SLC3A1: variants seen among roughly 807,000 people sequenced by gnomAD.
SLC3A1 encodes solute carrier family 3 member 1, also known as amino acid transporter heavy chain SLC3A1.
SLC3A1 carries 78 observed loss-of-function variants against 60.3 expected under a neutral mutation model. The observed-to-expected ratio is 1.29, with a 90% CI of 1.08 to 1.56. SLC3A1 has a LOEUF of 1.56. Ranked by LOEUF, SLC3A1 falls within the 40% of genes most tolerant of loss-of-function variation. SLC3A1 has a pLI of 0.00. For synonymous variants in SLC3A1, 392 were observed against 307.9 expected (o/e 1.27, Z -2.86); for missense variants, 1,172 against 858.9 (o/e 1.36, Z -4.56).
At chr2:44,285,705 G>A (rs1558455450) in intron 3 of SLC3A1, 1 of 519,092 alleles carries the variant, frequency 1.9e-6, no homozygotes, top group South Asian at 1.5e-5. Flanking sequence ...ACAAGAGTTT[G>A]GATCCTGGAC....
chr2:44,321,187 G>C lies in SLC3A1; in HGVS notation c.*548G>C, dbSNP rs1037318150. On this transcript the variant is annotated 3_prime_UTR_variant, in exon 10 of 10. Coordinates refer to ENST00000260649, the MANE Select transcript of SLC3A1 (RefSeq NM_000341.4). ...GGCATGTGCATCAATGGAGAGAATA[G>C]TATAAGCAAGTGAGATGTAGACTAA... is the stretch of plus-strand genomic sequence containing the variant. 4 of 621,658 alleles carry C rather than the reference G, an allele frequency of 6.4e-6. No individual in the cohort carries two copies. The African/African-American group carries it at 7.4e-5, about 12-fold the overall frequency. 38.5% of individuals were successfully genotyped at this position (621,658 alleles called of 1,614,324 possible). A position where few individuals can be genotyped will look rare whatever the true frequency, so the allele number is the denominator to read the frequency against.
intron 5 of SLC3A1, 28 bp from the exon 6 acceptor site, chr2:44,300,975 G>A: frequency 3.1e-6 from 5 of 1,612,982 alleles, no homozygotes; most frequent in African/African-American, 1.3e-5. Flanking sequence ...ATGAAATGAG[G>A]GTAACCATGT....
At chr2:44,287,836 G>A (rs1000878524) in intron 4 of SLC3A1, among the ~76,000 whole-genome samples, 2 of 152,124 alleles carry the variant, frequency 1.3e-5, no homozygotes, top group African/African-American at 4.8e-5. Flanking sequence ...AGCTCACCAC[G>A]TCAGCCAGAT....
intron 6 of SLC3A1, among the ~76,000 whole-genome samples, chr2:44,302,566 A>G (rs77542071): frequency 0.02 from 3,029 of 152,332 alleles, 121 homozygotes; most frequent in African/African-American, 0.07. Flanking sequence ...GTTGGGCTCC[A>G]GAGACCATGC....
In SLC3A1 at chr2:44,320,235, T is replaced by A; in HGVS notation, c.1654T>A (p.Tyr552Asn). ...KTQPRSALKL[Y>N]QDLSLLHANE... is the part of the protein sequence containing the mutation. ...TCAGCCCAGATCGGCTTTGAAGTTA[T>A]ATCAAGATTTAAGTCTACTTCATGC... The change falls in exon 10 of 10, where the codon TAT becomes AAT. Residue 552 changes from tyrosine to asparagine, a missense_variant. Transcript: ENST00000260649. 6.2e-7 allele frequency: 1 copy of A among 1,614,048 alleles called. No homozygotes were observed. The highest frequency in any genetic ancestry group is 8.5e-7 in the Non-Finnish European group (1 of 1,179,946).
At chr2:44,290,043 A>G (rs1671707062) in intron 4 of SLC3A1, among the ~76,000 whole-genome samples, 1 of 151,164 alleles carries the variant, frequency 6.6e-6, no homozygotes, top group African/African-American at 2.4e-5. Flanking sequence ...TCAGTTTCAC[A>G]GTTTTAGTCT....
chr2:44,283,498 G>C (rs1279712627), intron 3 of SLC3A1, among the ~76,000 whole-genome samples: 1 of 152,200 alleles, frequency 6.6e-6, no homozygotes. Context: ...CTGTTTTGCA[G>C]ATAGGCAGAC....
intron 4 of SLC3A1, among the ~76,000 whole-genome samples, chr2:44,291,460 G>A (rs1388501631): frequency 6.6e-6 from 1 of 152,136 alleles, no homozygotes; most frequent in Non-Finnish European, 1.5e-5. Context: ...TGGTCTTCTG[G>A]CTGAAATCCC....
intron 7 of SLC3A1, among the ~76,000 whole-genome samples, chr2:44,307,278 C>G (rs6716849): frequency 1.3e-5 from 2 of 152,108 alleles, no homozygotes; most frequent in Non-Finnish European, 2.9e-5. Context: ...TGGACTATTA[C>G]GAATAGTGAT....
At chr2:44,294,969 C>A (rs778526308) in intron 4 of SLC3A1, among the ~76,000 whole-genome samples, 1 of 152,168 alleles carries the variant, frequency 6.6e-6, no homozygotes, top group South Asian at 2.1e-4. Context: ...GTCTTGAACT[C>A]CTGAGCTTAA....
intron 4 of SLC3A1, among the ~76,000 whole-genome samples, chr2:44,297,254 G>A (rs1008306571): frequency 5.9e-5 from 9 of 152,204 alleles, no homozygotes; most frequent in African/African-American, 2.2e-4. Context: ...CCTTTGCAGA[G>A]CTTGTGAGCA....
intron 7 of SLC3A1, among the ~76,000 whole-genome samples, chr2:44,308,048 G>C (rs1344890577): frequency 6.6e-6 from 1 of 152,172 alleles, no homozygotes; most frequent in Non-Finnish European, 1.5e-5. Context: ...GCTGAGGTGG[G>C]AGTTGAGCCC....
At position 44,321,285 on chromosome 2, in the gene SLC3A1, TGCTAA is replaced by T; in HGVS notation, c.*647_*651del. 1 of 1,251,936 alleles carries T rather than the reference TGCTAA, an allele frequency of 8.0e-7. No homozygotes were observed. Among genetic ancestry groups the T allele is most frequent in the Non-Finnish European group, 1.1e-6 (1 of 889,326 alleles). 77.6% of individuals were successfully genotyped at this position (1,251,936 alleles called of 1,614,324 possible). A position where few individuals can be genotyped will look rare whatever the true frequency, so the allele number is the denominator to read the frequency against. ...AGTCTCAAGTTATTAATTTTTTTTT[TGCTAA>T]CTCAATTGGAAGTAAGACTATGAAA... On this transcript the variant is annotated 3_prime_UTR_variant, in exon 10 of 10. Transcript: ENST00000260649.
chr2:44,277,155 TG>T (rs1671366977), intron 1 of SLC3A1, among the ~76,000 whole-genome samples: 1 of 147,938 alleles, frequency 6.8e-6, no homozygotes, highest in African/African-American at 2.5e-5. Context: ...TTGCCCAGGC[TG>T]GAGTGCAATG....
intron 3 of SLC3A1, chr2:44,285,498 G>A: frequency 2.8e-6 from 1 of 361,648 alleles, no homozygotes. Context: ...GGAGACCAGC[G>A]ACATCGTCAA....
rs559773337 is a variant in SLC3A1, at chr2:44,289,923, G to A, written c.891+3766G>A. On this transcript the variant is annotated intron_variant, in intron 4 of 9. Coordinates refer to ENST00000260649, the MANE Select transcript of SLC3A1 (RefSeq NM_000341.4). ...AGGGATTACAGGCATGAGCCACTGC[G>A]CCTGGCCCAATTTATTTATTTTTTT... is the stretch of plus-strand genomic sequence containing the variant. Among the ~76,000 whole-genome samples, 6 of 151,996 alleles carry A rather than the reference G, an allele frequency of 3.9e-5. No individual in the cohort carries two copies. The East Asian group carries it at 1.2e-3, about 29-fold the overall frequency.
chr2:44,320,483 T>C lies in SLC3A1; in HGVS notation c.1902T>C (p.Asp634=), dbSNP rs1308945532. ...TNSADKGSKV[D]TSGIFLDKGE... is the part of the protein sequence containing the mutation. ...CTGCCGACAAAGGCAGTAAAGTTGATACAAGTGGCATTTTTCTGGACAAGG... is the reference window on the plus strand; with the variant it reads ...CTGCCGACAAAGGCAGTAAAGTTGACACAAGTGGCATTTTTCTGGACAAGG... Residue 634 remains aspartate (D), a synonymous_variant, in exon 10 of 10, where the codon GAT becomes GAC. Coordinates refer to ENST00000260649, the MANE Select transcript of SLC3A1 (RefSeq NM_000341.4). 1.9e-6 allele frequency: 3 copies of C among 1,614,158 alleles called. No individual in the cohort carries two copies. Among genetic ancestry groups the C allele is most frequent in the South Asian group, 1.1e-5 (1 of 91,088 alleles).
At chr2:44,299,604 G>C (rs774905552) in intron 4 of SLC3A1, among the ~76,000 whole-genome samples, 3 of 152,126 alleles carry the variant, frequency 2.0e-5, no homozygotes, top group Non-Finnish European at 4.4e-5. Flanking sequence ...TTAAGGAGTT[G>C]GGCATGAGGG....
In SLC3A1 at chr2:44,312,591, TGGACCA is replaced by T; in HGVS notation, c.1340_1345del (p.Gly447_Pro448del). On this transcript the variant is annotated inframe_deletion, in exon 8 of 10. Coordinates refer to ENST00000260649, the MANE Select transcript of SLC3A1 (RefSeq NM_000341.4). ...TAAAAATATCTGCCTTTCAGATTGG[TGGACCA>T]GACAGTTCACGGCTGACTTCGCGTT... 6 of 1,613,914 alleles carry T rather than the reference TGGACCA, an allele frequency of 3.7e-6. No homozygotes were observed. Among genetic ancestry groups the T allele is most frequent in the Non-Finnish European group, 5.1e-6 (6 of 1,179,806 alleles).
Sources: gnomAD v4.1 joint callset for allele counts (sites outside exome capture counted in the v4.1 genomes callset) on GRCh38, gnomAD v4.1.1 for gene constraint, MANE v1.5 for transcripts, NCBI Gene and HGNC (gene_info 2026-07-23, HGNC 2026-07-21) for gene names.